The following SPOCK3 variants were observed in gnomAD, a reference collection of about 807,000 sequenced individuals.
SPOCK3 encodes the protein SPARC (osteonectin), cwcv and kazal like domains proteoglycan 3.
SPOCK3 carries 30 observed loss-of-function variants against 56.6 expected under a neutral mutation model. The ratio of observed to expected loss-of-function variants is 0.53; its 90% CI spans 0.40 to 0.72. The LOEUF (loss-of-function observed/expected upper bound fraction) is 0.72, where lower values mean the gene tolerates loss of function less well. SPOCK3 is among the 30% of genes least tolerant of loss of function. The pLI is 0.00. For missense variants in SPOCK3, 527 were observed against 530.0 expected (o/e 0.99, Z 0.06); for synonymous variants, 196 against 183.3 (o/e 1.07, Z -0.56).
intron 4 of SPOCK3, among the ~76,000 whole-genome samples, chr4:166,991,832 G>A (rs567750269): frequency 6.6e-6 from 1 of 152,200 alleles, no homozygotes; most frequent in South Asian, 2.1e-4. Flanking sequence ...GACAATACAT[G>A]TCAATATTTA....
Position 166,806,398 on chromosome 4 carries a change from T to C in SPOCK3, c.590-14109A>G, listed in dbSNP as rs557304562. Among the ~76,000 whole-genome samples, 8 of 152,154 alleles carry C rather than the reference T, an allele frequency of 5.3e-5. No individual in the cohort carries two copies. The South Asian group carries it at 1.2e-3, about 24-fold the overall frequency. On this transcript the variant is annotated intron_variant, in intron 6 of 10. Coordinates refer to ENST00000357545, the MANE Select transcript of SPOCK3 (RefSeq NM_001040159.2). The stretch of plus-strand genomic sequence containing the variant: ...TTAACAAGGTCATCTCCCTGGAGAT[T>C]GTTTATTTCTTTCTCAGGCAATTAA...
intron 6 of SPOCK3, among the ~76,000 whole-genome samples, chr4:166,855,099 A>G (rs1730516210): frequency 6.6e-6 from 1 of 152,146 alleles, no homozygotes; most frequent in South Asian, 2.1e-4. Context: ...ACCACACCAG[A>G]ACAGACTTAT....
At chr4:166,971,600 A>C (rs1745393426) in intron 4 of SPOCK3, among the ~76,000 whole-genome samples, 1 of 152,088 alleles carries the variant, frequency 6.6e-6, no homozygotes. Flanking sequence ...TCTTCTGTGA[A>C]TACCTTTTAT....
chr4:166,754,298 T>A lies in SPOCK3; in HGVS notation c.931+210A>T. On this transcript the variant is annotated intron_variant, in intron 8 of 10. Transcript: ENST00000357545. ...TAGTGGCATTAATACAAAATATTAA[T>A]TACTATTTTTCATCTTATTTAGCAT... is the stretch of plus-strand genomic sequence containing the variant. 4.7e-6 allele frequency: 6 copies of A among 1,285,118 alleles called. 1 individual carries two copies. Among genetic ancestry groups the A allele is most frequent in the Non-Finnish European group, 5.9e-6 (6 of 1,016,130 alleles). 79.6% of individuals were successfully genotyped at this position (1,285,118 alleles called of 1,614,324 possible).
intron 2 of SPOCK3, among the ~76,000 whole-genome samples, chr4:167,115,932 T>C (rs1005193226): frequency 6.6e-6 from 1 of 152,016 alleles, no homozygotes; most frequent in African/African-American, 2.4e-5. Context: ...AGAGAATTCA[T>C]CAGCAGTGGG....
chr4:166,927,498 T>A (rs1397751357), intron 4 of SPOCK3, among the ~76,000 whole-genome samples: 3 of 152,172 alleles, frequency 2.0e-5, no homozygotes, highest in Non-Finnish European at 4.4e-5. Flanking sequence ...TTTTCCCCAC[T>A]CTCAGGTATG....
At chr4:166,810,894 T>G (rs1743695863) in intron 6 of SPOCK3, among the ~76,000 whole-genome samples, 1 of 152,014 alleles carries the variant, frequency 6.6e-6, no homozygotes, top group Non-Finnish European at 1.5e-5. Flanking sequence ...AGGTTTTTAT[T>G]TGTAGAAAGC....
At chr4:166,820,013 G>C (rs1560893138) in intron 6 of SPOCK3, among the ~76,000 whole-genome samples, 1 of 151,990 alleles carries the variant, frequency 6.6e-6, no homozygotes, top group Non-Finnish European at 1.5e-5. Flanking sequence ...ATTAGCCACT[G>C]TGCCCAGCCT....
chr4:167,104,428 A>T (rs1001714792), intron 2 of SPOCK3, among the ~76,000 whole-genome samples: 1 of 152,206 alleles, frequency 6.6e-6, no homozygotes, highest in Non-Finnish European at 1.5e-5. Flanking sequence ...GGAGTTGAAA[A>T]AATGCAATTG....
intron 4 of SPOCK3, among the ~76,000 whole-genome samples, chr4:166,984,393 G>T (rs2150099274): frequency 6.6e-6 from 1 of 152,102 alleles, no homozygotes; most frequent in South Asian, 2.1e-4. Context: ...CTCAACAAAA[G>T]TTGACTTTTT....
chr4:166,961,250 TA>T lies in SPOCK3; in HGVS notation c.350+39098del, dbSNP rs33983685. ...AATACGTGAGTCTTACCCACGAAAT[TA>T]AAAAAAAAAACTGCAAAATTTTAAA... On this transcript the variant is annotated intron_variant, in intron 4 of 10. Transcript: ENST00000357545. Among the ~76,000 whole-genome samples, 1,179 of 145,834 alleles carry T rather than the reference TA, an allele frequency of 8.1e-3. 14 individuals carry two copies. Among genetic ancestry groups the T allele is most frequent in the African/African-American group, 0.021 (827 of 38,958 alleles).
chr4:166,765,390 C>T (rs1737864914), intron 7 of SPOCK3, among the ~76,000 whole-genome samples: 1 of 152,180 alleles, frequency 6.6e-6, no homozygotes, highest in South Asian at 2.1e-4. Flanking sequence ...GATCCAGTTT[C>T]AGCTTTGTAC....
intron 6 of SPOCK3, among the ~76,000 whole-genome samples, chr4:166,839,379 G>A (rs1314401721): frequency 2.0e-5 from 3 of 152,066 alleles, no homozygotes; most frequent in Non-Finnish European, 4.4e-5. Flanking sequence ...AGGAAGAAGG[G>A]GTCTCATTAC....
intron 7 of SPOCK3, among the ~76,000 whole-genome samples, chr4:166,763,139 A>C (rs929279457): frequency 3.3e-5 from 5 of 152,022 alleles, no homozygotes; most frequent in Non-Finnish European, 7.4e-5. Flanking sequence ...AAAAGAAAAA[A>C]AAAAACTTTA....
chr4:166,987,349 G>A (rs1747281226), intron 4 of SPOCK3, among the ~76,000 whole-genome samples: 1 of 152,130 alleles, frequency 6.6e-6, no homozygotes, highest in Admixed American at 6.5e-5. Flanking sequence ...TATCTATAAT[G>A]AGAAAGTTTC....
intron 4 of SPOCK3, among the ~76,000 whole-genome samples, chr4:166,958,715 G>C (rs1452657741): frequency 1.3e-5 from 2 of 152,184 alleles, no homozygotes; most frequent in Admixed American, 1.3e-4. Flanking sequence ...AGTCCAAATT[G>C]AGAATGCAAT....
chr4:166,949,435 G>C (rs1742226370), intron 4 of SPOCK3, among the ~76,000 whole-genome samples: 1 of 152,104 alleles, frequency 6.6e-6, no homozygotes, highest in South Asian at 2.1e-4. Flanking sequence ...AGAGTTTCCA[G>C]TTTTTCTGCT....
chr4:166,973,510 G>T (rs1367177668), intron 4 of SPOCK3, among the ~76,000 whole-genome samples: 5 of 152,026 alleles, frequency 3.3e-5, no homozygotes, highest in African/African-American at 1.2e-4. Flanking sequence ...TTCATTACAG[G>T]TTATTGTCGC....
chr4:167,119,887 A>G, intron 2 of SPOCK3: 1 of 1,482,288 alleles, frequency 6.7e-7, no homozygotes, highest in Non-Finnish European at 8.9e-7. Context: ...AATGCCCCAA[A>G]GGTTTCAACC....
Sources: allele counts gnomAD v4.1 joint callset (sites outside exome capture counted in the v4.1 genomes callset), GRCh38; gene constraint gnomAD v4.1.1; transcripts MANE v1.5; gene names NCBI Gene and HGNC (gene_info 2026-07-23, HGNC 2026-07-21).